Variants in XG observed in about 807,000 individuals in gnomAD.
XG encodes glycoprotein Xg.
Under a neutral mutation model 25.7 loss-of-function variants are expected in XG, and 24 were observed. The observed-to-expected ratio is 0.93, with a 90% CI of 0.68 to 1.31. XG has a LOEUF of 1.31. XG is among the 40% of genes most tolerant of loss of function. The pLI is 0.00. For missense variants in XG, 181 were observed against 187.6 expected (o/e 0.96, Z 0.21); for synonymous variants, 77 against 69.2 (o/e 1.11, Z -0.56).
intron 3 of XG, among the ~76,000 whole-genome samples, chrX:2,780,138 C>A (rs932277063): frequency 9.3e-5 from 14 of 151,188 alleles, no homozygotes; most frequent in African/African-American, 3.4e-4. Flanking sequence ...GGTTATAGAG[C>A]ACAAACTGTG....
At chrX:2,760,226 C>A (rs747180987) in intron 1 of XG, among the ~76,000 whole-genome samples, 1 of 151,858 alleles carries the variant, frequency 6.6e-6, no homozygotes, top group Non-Finnish European at 1.5e-5. Context: ...GTAGGCCAGG[C>A]GCGTGATGTT....
At chrX:2,782,774 G>A (rs928235117) in intron 4 of XG, among the ~76,000 whole-genome samples, 1 of 111,681 alleles carries the variant, frequency 9.0e-6, no homozygotes, top group African/African-American at 3.3e-5. Flanking sequence ...ACTTGGGGAG[G>A]TTCAGACTCT....
Position 2,794,584 on chromosome X carries a change from C to T in XG, c.303C>T (p.Pro101=). 1 of 1,211,454 alleles carries T rather than the reference C, an allele frequency of 8.3e-7. No individual in the cohort carries two copies. Among genetic ancestry groups the T allele is most frequent in the Non-Finnish European group, 1.1e-6 (1 of 895,361 alleles). Residue 101 remains proline, a synonymous_variant, in exon 6 of 11, where the codon CCC becomes CCT. Transcript: ENST00000644266. ...ATGACGGACGCTACCCGCCCAGGCC[C>T]AGGCCACGGCCGCCTGCAGGTAGGT... ...DRDDGRYPPR[P]RPRPPAGGGG...
intron 1 of XG, chrX:2,752,791 T>G: frequency 2.8e-6 from 1 of 357,800 alleles, no homozygotes. Flanking sequence ...GCCGGAAGGG[T>G]TGCATTTATT....
chrX:2,775,430 A>C (rs2050956357), intron 3 of XG, among the ~76,000 whole-genome samples: 1 of 152,204 alleles, frequency 6.6e-6, no homozygotes, highest in South Asian at 2.1e-4. Context: ...GAATAGGTGA[A>C]TCCCTAGAAC....
intron 7 of XG, among the ~76,000 whole-genome samples, chrX:2,799,711 G>A (rs769524844): frequency 9.0e-6 from 1 of 111,485 alleles, no homozygotes; most frequent in Non-Finnish European, 1.9e-5. Flanking sequence ...TGGGGGAGAC[G>A]TGTAGCTTTT....
chrX:2,801,720 T>TA (rs2086939603), intron 7 of XG, among the ~76,000 whole-genome samples: 2 of 110,927 alleles, frequency 1.8e-5, no homozygotes, highest in African/African-American at 6.6e-5. Flanking sequence ...ATTTTTTATT[T>TA]TTTTTTGAGA....
intron 1 of XG, among the ~76,000 whole-genome samples, chrX:2,759,753 C>A (rs936150702): frequency 1.4e-4 from 22 of 152,358 alleles, no homozygotes; most frequent in African/African-American, 4.8e-4. Flanking sequence ...TTTCCTCTTT[C>A]TCATTGGCAC....
At position 2,797,348 on chromosome X, in the gene XG, G is replaced by A. The variant is rs756584746; in HGVS notation, c.361G>A (p.Asp121Asn). 23 of 1,204,603 alleles carry A rather than the reference G, an allele frequency of 1.9e-5. No individual in the cohort carries two copies. The East Asian group carries it at 2.1e-4, about 11-fold the overall frequency. Reference sequence around the variant, plus strand: ...TGGCTACTCCAGTTATGGCAACTCCGACAACACGCACGGTACCCCTACATC... The same window carrying A: ...TGGCTACTCCAGTTATGGCAACTCCAACAACACGCACGGTACCCCTACATC... ...GGGYSSYGNS[D>N]NTHGRGGYRL... Residue 121 changes from aspartate to asparagine, a missense_variant, in exon 7 of 11, where the codon GAC becomes AAC. Transcript: ENST00000644266.
chrX:2,810,051 GTC>G (rs2087039328), intron 9 of XG, among the ~76,000 whole-genome samples: 1 of 111,971 alleles, frequency 8.9e-6, no homozygotes, highest in Non-Finnish European at 1.9e-5. Flanking sequence ...ATAGAGGGCT[GTC>G]TCTCCCAGGA....
At chrX:2,759,229 C>G (rs2050507463) in intron 1 of XG, among the ~76,000 whole-genome samples, 1 of 152,192 alleles carries the variant, frequency 6.6e-6, no homozygotes, top group Admixed American at 6.5e-5. Context: ...TTGTTCAACA[C>G]CTTACAGTGC....
At chrX:2,801,839 G>A (rs1276753469) in intron 7 of XG, among the ~76,000 whole-genome samples, 1 of 110,980 alleles carries the variant, frequency 9.0e-6, no homozygotes, top group African/African-American at 3.3e-5. Context: ...CTCCCGAGTA[G>A]CTGGGACTAC....
At chrX:2,760,544 G>A (rs927479605) in intron 1 of XG, among the ~76,000 whole-genome samples, 39 of 149,326 alleles carry the variant, frequency 2.6e-4, no homozygotes, top group African/African-American at 8.4e-4. Flanking sequence ...GATCATCCTG[G>A]CTAACACGGT....
chrX:2,773,029 A>G (rs765006497), intron 2 of XG, among the ~76,000 whole-genome samples: 2 of 141,684 alleles, frequency 1.4e-5, no homozygotes, highest in Non-Finnish European at 3.1e-5. Flanking sequence ...AAATAGTTAT[A>G]ATTTTACATT....
At chrX:2,764,940 C>A (rs2050643230) in intron 1 of XG, among the ~76,000 whole-genome samples, 1 of 145,176 alleles carries the variant, frequency 6.9e-6, no homozygotes, top group Non-Finnish European at 1.5e-5. Context: ...ACTCAGGAGA[C>A]TGAGGCACTA....
intron 1 of XG, among the ~76,000 whole-genome samples, chrX:2,757,842 G>T (rs2124400881): frequency 6.6e-6 from 1 of 151,086 alleles, no homozygotes; most frequent in South Asian, 2.1e-4. Context: ...CATGGTGGGG[G>T]GTGTCTGTAA....
intron 6 of XG, 52 bp downstream of exon 6, chrX:2,794,655 T>C: frequency 1.7e-6 from 2 of 1,172,306 alleles, no homozygotes; most frequent in Non-Finnish European, 2.3e-6. Context: ...ACAGAGAGGG[T>C]GGGATGAGAG....
At chrX:2,813,881 T>C (rs1397566987) in intron 10 of XG, among the ~76,000 whole-genome samples, 1 of 112,756 alleles carries the variant, frequency 8.9e-6, no homozygotes, top group African/African-American at 3.2e-5. Context: ...TGGCAAAATG[T>C]CAAAAACAAT....
intron 1 of XG, among the ~76,000 whole-genome samples, chrX:2,756,023 C>T (rs2050427270): frequency 6.6e-6 from 1 of 152,272 alleles, no homozygotes; most frequent in East Asian, 1.9e-4. Flanking sequence ...GTCCTGCACA[C>T]GTATCCCGGA....
Sources: allele counts gnomAD v4.1 joint callset (sites outside exome capture counted in the v4.1 genomes callset), GRCh38; gene constraint gnomAD v4.1.1; transcripts MANE v1.5; gene names NCBI Gene and HGNC (gene_info 2026-07-23, HGNC 2026-07-21).